The following CARM1 variants were observed in gnomAD, a reference collection of about 807,000 sequenced individuals.
The protein encoded by CARM1 is coactivator associated arginine methyltransferase 1.
Under a neutral mutation model 72.7 loss-of-function variants are expected in CARM1, and 14 were observed. That is an observed-to-expected ratio of 0.19 (90% confidence interval 0.13 to 0.30). CARM1 has a LOEUF of 0.30. Ranked by LOEUF, CARM1 falls within the 10% of genes least tolerant of loss-of-function variation. CARM1 has a pLI of 1.00. For missense variants in CARM1, 432 were observed against 833.7 expected, an observed-to-expected ratio of 0.52 and a Z score of 5.93; for synonymous variants, 333 against 345.5, an observed-to-expected ratio of 0.96 and a Z score of 0.40.
chr19:10,877,879 C>T (rs1331969384), intron 1 of CARM1, among the ~76,000 whole-genome samples: 4 of 152,200 alleles, frequency 2.6e-5, no homozygotes, highest in Admixed American at 1.3e-4. Flanking sequence ...AGGCACATGC[C>T]GCCATGCCCA....
intron 1 of CARM1, among the ~76,000 whole-genome samples, chr19:10,893,928 A>C (rs1411546180): frequency 6.6e-6 from 1 of 152,136 alleles, no homozygotes; most frequent in Non-Finnish European, 1.5e-5. Context: ...GTCCTCCTTG[A>C]TGCCAAAGCC....
At position 10,893,054 on chromosome 19, in the gene CARM1, A is replaced by G. The variant is rs375888521; in HGVS notation, c.221-11897A>G. Among the ~76,000 whole-genome samples, 7 of 143,592 alleles carry G rather than the reference A, an allele frequency of 4.9e-5. No homozygotes were observed. The South Asian group carries it at 1.1e-3, about 23-fold the overall frequency. 94.2% of individuals were successfully genotyped at this position (143,592 alleles called of 152,430 possible). A position where few individuals can be genotyped will look rare whatever the true frequency, so the allele number is the denominator to read the frequency against. On this transcript the variant is annotated intron_variant, in intron 1 of 15. Coordinates refer to ENST00000327064, the MANE Select transcript of CARM1 (RefSeq NM_199141.2). ...CCGGCCCTGCCCATTTTATTTATTTATTTTTATTTTTATTTTTTTCAGATG... is the reference window on the plus strand; with the variant it reads ...CCGGCCCTGCCCATTTTATTTATTTGTTTTTATTTTTATTTTTTTCAGATG...
In CARM1 at chr19:10,913,966, C is replaced by A. The variant is rs1568355571; in HGVS notation, c.759C>A (p.Ile253=). 1 of 1,613,800 alleles carries A rather than the reference C, an allele frequency of 6.2e-7. No individual in the cohort carries two copies. Among genetic ancestry groups the A allele is most frequent in the Non-Finnish European group, 8.5e-7 (1 of 1,179,960 alleles). Residue 253 remains isoleucine, a synonymous_variant, in exon 6 of 16, where the codon ATC becomes ATA. Coordinates refer to ENST00000327064, the MANE Select transcript of CARM1 (RefSeq NM_199141.2). ...TGTCACTCCCCGAGCAGGTGGACAT[C>A]ATCATCTCGGAGCCCATGGGCTACA... ...EEVSLPEQVD[I]IISEPMGYML...
chr19:10,882,706 T>G (rs1470380576), intron 1 of CARM1, among the ~76,000 whole-genome samples: 2 of 151,996 alleles, frequency 1.3e-5, no homozygotes, highest in Admixed American at 1.3e-4. Context: ...CATGCCCGGC[T>G]AATTTTTGTG....
In CARM1 at chr19:10,920,040, G is replaced by T; in HGVS notation, c.1196+74G>T. 8.5e-7 allele frequency: 1 copy of T among 1,181,246 alleles called. No individual in the cohort carries two copies. The highest frequency in any genetic ancestry group is 1.3e-6 in the Non-Finnish European group (1 of 798,298). The allele number at this position is 1,181,246 out of a possible 1,614,324, so 73.2% of individuals were successfully genotyped here. ...TTCCTGCAGCTGCAACCTGGCTGGG[G>T]GGGTGGAACATGGCTCCAGGTTCCA... On this transcript the variant is annotated intron_variant, in intron 10 of 15. Transcript: ENST00000327064. This position sits in a 1 kb window ranked among gnomAD's most constrained non-coding sequence, Gnocchi z 5.3.
At chr19:10,904,842 G>T in intron 1 of CARM1, 109 bp from the exon 2 acceptor site, 4 of 1,461,462 alleles carry the variant, frequency 2.7e-6, no homozygotes, top group Non-Finnish European at 3.7e-6. Context: ...CACTCTGGAA[G>T]AATCTGGGGG....
intron 5 of CARM1, 127 bp from the exon 6 acceptor site, chr19:10,913,750 C>A: frequency 4.1e-6 from 4 of 972,038 alleles, no homozygotes; most frequent in Non-Finnish European, 6.0e-6. Flanking sequence ...GTTGGGGCGC[C>A]AGCGAAGCAG....
chr19:10,874,838 A>G (rs1163992359), intron 1 of CARM1, among the ~76,000 whole-genome samples: 1 of 152,178 alleles, frequency 6.6e-6, no homozygotes, highest in Non-Finnish European at 1.5e-5. Context: ...CTTGGCCAAC[A>G]TGGCAAAATC....
At position 10,903,376 on chromosome 19, in the gene CARM1, CATG is replaced by C. The variant is rs1488667496; in HGVS notation, c.221-1574_221-1572del. Among the ~76,000 whole-genome samples, 4 of 152,270 alleles carry C rather than the reference CATG, an allele frequency of 2.6e-5. No individual in the cohort carries two copies. The East Asian group carries it at 7.7e-4, about 29-fold the overall frequency. On this transcript the variant is annotated intron_variant, in intron 1 of 15. Transcript: ENST00000327064. ...GAGAACACTTTGCCATATTTGCACTCATGTTGTTGTTGTTATGATGGGCTATTC... is the reference window on the plus strand; with the variant it reads ...GAGAACACTTTGCCATATTTGCACTCTTGTTGTTGTTATGATGGGCTATTC...
rs1568355839 is a variant in CARM1 at position 10,914,942 on chromosome 19, A to C, written c.847+888A>C. On this transcript the variant is annotated intron_variant, in intron 6 of 15. Coordinates refer to ENST00000327064, the MANE Select transcript of CARM1 (RefSeq NM_199141.2). Reference sequence around the variant, plus strand: ...ATGTGCCTGTGGCTCTTCTCATGCTAGGTATGTGAGCGTCTGAGCATTTCT... The same window carrying C: ...ATGTGCCTGTGGCTCTTCTCATGCTCGGTATGTGAGCGTCTGAGCATTTCT... Among the ~76,000 whole-genome samples, 3 of 152,188 alleles carry C rather than the reference A, an allele frequency of 2.0e-5. No homozygotes were observed. The South Asian group carries it at 6.2e-4, about 32-fold the overall frequency.
Position 10,871,604 on chromosome 19 carries a change from G to GGCA in CARM1, c.-97_-96insAGC, listed in dbSNP as rs2073814381. ...CGGTAGCGGCAGCGGCGGCGGCGGC[G>GGCA]GCGGCGGCGGCGGCGGCGGCGGCGG... On this transcript the variant is annotated 5_prime_UTR_variant, in exon 1 of 16. Transcript: ENST00000327064. The surrounding 1 kb of genome is among the most constrained non-coding windows in gnomAD (Gnocchi z 5.6). 9.0e-6 allele frequency: 1 copy of GGCA among 110,586 alleles called. No homozygotes were observed. Among genetic ancestry groups the GGCA allele is most frequent in the Non-Finnish European group, 1.9e-5 (1 of 52,668 alleles). 6.9% of individuals were successfully genotyped at this position (110,586 alleles called of 1,614,324 possible).
intron 1 of CARM1, among the ~76,000 whole-genome samples, chr19:10,892,235 G>C (rs550428562): frequency 6.6e-6 from 1 of 152,356 alleles, no homozygotes; most frequent in African/African-American, 2.4e-5. Context: ...TCTGCAAGTA[G>C]AGCTTGTAGC....
Position 10,916,592 on chromosome 19 carries a change from A to C in CARM1, c.938+95A>C. ...GAGAGCCTGCACTCCTCTTTTTCTG[A>C]AAGACTTGGGCTAGATGAGGGCTGA... On this transcript the variant is annotated intron_variant, in intron 7 of 15. Coordinates refer to ENST00000327064, the MANE Select transcript of CARM1 (RefSeq NM_199141.2). The surrounding 1 kb of genome is among the most constrained non-coding windows in gnomAD (Gnocchi z 4.4). 2.8e-6 allele frequency: 4 copies of C among 1,403,760 alleles called. No homozygotes were observed. Among genetic ancestry groups the C allele is most frequent in the Non-Finnish European group, 4.0e-6 (4 of 1,006,378 alleles). The allele number at this position is 1,403,760 out of a possible 1,614,324, so 87.0% of individuals were successfully genotyped here.
In CARM1 at chr19:10,901,139, T is replaced by C. The variant is rs182969784; in HGVS notation, c.221-3812T>C. Among the ~76,000 whole-genome samples the C allele has an allele frequency of 1.7e-3, 255 of 152,076 alleles. 4 individuals are homozygous for C. The highest frequency in any genetic ancestry group is 1.6e-3 in the Non-Finnish European group (111 of 67,970). On this transcript the variant is annotated intron_variant, in intron 1 of 15. Coordinates refer to ENST00000327064, the MANE Select transcript of CARM1 (RefSeq NM_199141.2). ...CTGGGACTACAGGCACCCACCATCA[T>C]GTCTGGCTAATTTTTGTGTTTTTAG... is the stretch of plus-strand genomic sequence containing the variant.
intron 1 of CARM1, among the ~76,000 whole-genome samples, chr19:10,900,314 C>G (rs1164536567): frequency 6.6e-6 from 1 of 152,160 alleles, no homozygotes; most frequent in Non-Finnish European, 1.5e-5. Context: ...TCTATCTACT[C>G]CCAAAATATG....
intron 14 of CARM1, 85 bp from the exon 15 acceptor site, chr19:10,921,290 C>T: frequency 6.5e-7 from 1 of 1,526,794 alleles, no homozygotes; most frequent in South Asian, 1.1e-5. Context: ...CTGCCTCGCT[C>T]TGCAGCCTGC....
intron 2 of CARM1, among the ~76,000 whole-genome samples, chr19:10,905,483 C>G (rs2074096433): frequency 6.6e-6 from 1 of 152,162 alleles, no homozygotes; most frequent in Non-Finnish European, 1.5e-5. Context: ...CTTAACCAAC[C>G]CACCTTGGGG....
At chr19:10,917,006 G>A (rs1018429893) in intron 8 of CARM1, among the ~76,000 whole-genome samples, 4 of 152,094 alleles carry the variant, frequency 2.6e-5, no homozygotes, top group African/African-American at 9.7e-5. Flanking sequence ...GGGGCATTTA[G>A]GCTCAGGAGT....
At chr19:10,893,560 G>A (rs1228350266) in intron 1 of CARM1, among the ~76,000 whole-genome samples, 6 of 151,910 alleles carry the variant, frequency 3.9e-5, no homozygotes, top group African/African-American at 7.3e-5. Flanking sequence ...GGATGGTCTC[G>A]ATCTCCTGAC....
Sources: gnomAD v4.1 joint callset for allele counts (sites outside exome capture counted in the v4.1 genomes callset) on GRCh38, gnomAD v4.1.1 for gene constraint, Gnocchi (gnomAD v3.1) non-coding constraint, MANE v1.5 for transcripts, NCBI Gene and HGNC (gene_info 2026-07-23, HGNC 2026-07-21) for gene names.